Variants in QRFPR observed in about 807,000 individuals in gnomAD.
The protein encoded by QRFPR is pyroglutamylated RFamide peptide receptor.
Under a neutral mutation model 31.3 loss-of-function variants are expected in QRFPR, and 37 were observed. That is an observed-to-expected ratio of 1.18 (90% CI 0.91 to 1.56). QRFPR has a LOEUF of 1.56. QRFPR is among the 40% of genes most tolerant of loss of function. The pLI is 0.00. For synonymous variants in QRFPR, 197 were observed against 192.0 expected (o/e 1.03, Z -0.22); for missense variants, 542 against 532.5 (o/e 1.02, Z -0.18).
rs751386983 is a variant in QRFPR, at chr4:121,380,296, C to T, written c.340+12G>A. 15 of 1,592,798 alleles carry T rather than the reference C, an allele frequency of 9.4e-6. No individual in the cohort carries two copies. Among genetic ancestry groups the T allele is most frequent in the Admixed American group, 6.8e-5 (4 of 58,900 alleles). ...AGAGAGAAGGAGCGAAGGAGCGGGG[C>T]GCGACTCTTACCCCCCAGCCAGTTG... On this transcript the variant is annotated intron_variant, in intron 1 of 5. Coordinates refer to ENST00000394427, the MANE Select transcript of QRFPR (RefSeq NM_198179.3).
chr4:121,359,645 G>GTGTA (rs1553947434), intron 1 of QRFPR, among the ~76,000 whole-genome samples: 4 of 150,768 alleles, frequency 2.7e-5, no homozygotes, highest in Admixed American at 6.6e-5. Context: ...GTGTGTGTGT[G>GTGTA]TATATATATG....
At chr4:121,374,767 C>T (rs951770279) in intron 1 of QRFPR, among the ~76,000 whole-genome samples, 3 of 152,210 alleles carry the variant, frequency 2.0e-5, no homozygotes, top group South Asian at 2.1e-4. Flanking sequence ...TCTGTGTTTT[C>T]TTACCCTAAT....
intron 1 of QRFPR, among the ~76,000 whole-genome samples, chr4:121,365,277 C>G: frequency 6.9e-6 from 1 of 143,964 alleles, no homozygotes; most frequent in Non-Finnish European, 1.5e-5. Flanking sequence ...CACAGTGAAA[C>G]CTCGTCTCTG....
In QRFPR at chr4:121,380,758, A is replaced by G. The variant is rs1726478720; in HGVS notation, c.-111T>C. 1.9e-6 allele frequency: 2 copies of G among 1,046,506 alleles called. No individual in the cohort carries two copies. Among genetic ancestry groups the G allele is most frequent in the South Asian group, 1.7e-5 (1 of 59,334 alleles). 64.8% of individuals were successfully genotyped at this position (1,046,506 alleles called of 1,614,324 possible). On this transcript the variant is annotated 5_prime_UTR_variant, in exon 1 of 6. Coordinates refer to ENST00000394427, the MANE Select transcript of QRFPR (RefSeq NM_198179.3). ...AGCCGGAGGCCGCCTCCCTTCCTCT[A>G]CTCTGGAGTCAGCCGCGCGGGAGGG...
At chr4:121,366,441 A>G (rs1214452354) in intron 1 of QRFPR, among the ~76,000 whole-genome samples, 1 of 149,788 alleles carries the variant, frequency 6.7e-6, no homozygotes, top group Non-Finnish European at 1.5e-5. Flanking sequence ...GTGACATTCA[A>G]TCCTAGGTCT....
chr4:121,380,699 C>G lies in QRFPR; in HGVS notation c.-52G>C. ...CACCGCCCGCTACTGGCTGGCCATC[C>G]GCATCTGCGGGGCAGCGAGGGCTTC... On this transcript the variant is annotated 5_prime_UTR_variant, in exon 1 of 6. Transcript: ENST00000394427. The G allele has an allele frequency of 2.8e-6, 4 of 1,450,784 alleles. No individual in the cohort carries two copies. The highest frequency in any genetic ancestry group is 3.7e-6 in the Non-Finnish European group (4 of 1,091,974). 89.9% of individuals were successfully genotyped at this position (1,450,784 alleles called of 1,614,324 possible).
intron 1 of QRFPR, among the ~76,000 whole-genome samples, chr4:121,358,105 G>T (rs1276410930): frequency 6.6e-6 from 1 of 152,064 alleles, no homozygotes; most frequent in Non-Finnish European, 1.5e-5. Flanking sequence ...TTTGAATATA[G>T]TCAAAATACT....
At chr4:121,369,729 T>C in intron 1 of QRFPR, 1 of 1,601,494 alleles carries the variant, frequency 6.2e-7, no homozygotes, top group Non-Finnish European at 8.5e-7. Flanking sequence ...GAGTCCATGG[T>C]GCTAGGATTT....
chr4:121,379,625 C>T (rs1579596148), intron 1 of QRFPR, among the ~76,000 whole-genome samples: 2 of 152,062 alleles, frequency 1.3e-5, no homozygotes, highest in South Asian at 2.1e-4. Context: ...CATTTTTTTT[C>T]CCCCATTATA....
In QRFPR at chr4:121,329,701, C is replaced by A; in HGVS notation, c.909G>T (p.Lys303Asn). The change falls in exon 6 of 6, where the codon AAG becomes AAT. Residue 303 changes from lysine to asparagine, a missense_variant. Lys to Asn is a moderately conservative substitution (Grantham distance 94). Transcript: ENST00000394427. ...TCTTGATTGTGACATCATCATATTC[C>A]TTTTCAAAATTACCTGAAATAAAGT... ...HMMIEYSNFE[K>N]EYDDVTIKMI... is the part of the protein sequence containing the mutation. 3 of 1,529,942 alleles carry A rather than the reference C, an allele frequency of 2.0e-6. No individual in the cohort carries two copies. The highest frequency in any genetic ancestry group is 2.6e-5 in the South Asian group (2 of 77,406). The allele number at this position is 1,529,942 out of a possible 1,614,324, so 94.8% of individuals were successfully genotyped here. A position where few individuals can be genotyped will look rare whatever the true frequency, so the allele number is the denominator to read the frequency against.
At chr4:121,358,693 T>A (rs1725917049) in intron 1 of QRFPR, among the ~76,000 whole-genome samples, 1 of 152,194 alleles carries the variant, frequency 6.6e-6, no homozygotes, top group African/African-American at 2.4e-5. Flanking sequence ...CAGCATGAAA[T>A]TGCCTCTTTA....
At chr4:121,339,724 A>G (rs952776616) in intron 2 of QRFPR, among the ~76,000 whole-genome samples, 1 of 152,102 alleles carries the variant, frequency 6.6e-6, no homozygotes, top group African/African-American at 2.4e-5. Flanking sequence ...GGAGAGGCCA[A>G]GGGGGAATGG....
chr4:121,369,784 G>A, intron 1 of QRFPR: 1 of 1,571,086 alleles, frequency 6.4e-7, no homozygotes, highest in Non-Finnish European at 8.8e-7. Context: ...ACCAGCCCCT[G>A]GGTCTCTGCT....
chr4:121,369,530 G>A (rs1726192522), intron 1 of QRFPR: 1 of 1,564,294 alleles, frequency 6.4e-7, no homozygotes, highest in African/African-American at 1.4e-5. Flanking sequence ...GTCCATCTTG[G>A]GTGGCTTCAA....
chr4:121,365,574 A>T (rs71629500), intron 1 of QRFPR, among the ~76,000 whole-genome samples: 11,655 of 19,542 alleles, frequency 0.6, 2,966 homozygotes, highest in Non-Finnish European at 0.6. Flanking sequence ...ATTATATATA[A>T]TATATATTAT....
rs776761564 is a variant in QRFPR at position 121,380,520 on chromosome 4, C to A, written c.128G>T (p.Arg43Leu). Residue 43 changes from arginine (R) to leucine (L), a missense_variant, in exon 1 of 6, where the codon CGC (arginine) becomes CTC (leucine). By Grantham distance (102) the Arg-to-Leu change is moderately radical. Transcript: ENST00000394427. ...GGTGAGCACGAGGGCCAGCTTGGCGCGTCCCGGCAGCTCTGGGGTGTAGAC... is the reference window on the plus strand; with the variant it reads ...GGTGAGCACGAGGGCCAGCTTGGCGAGTCCCGGCAGCTCTGGGGTGTAGAC... ...PLVYTPELPG[R>L]AKLALVLTGV... is the part of the protein sequence containing the mutation. 6.2e-7 allele frequency: 1 copy of A among 1,613,748 alleles called. No homozygotes were observed. Among genetic ancestry groups the A allele is most frequent in the South Asian group, 1.1e-5 (1 of 91,028 alleles).
At chr4:121,337,164 T>G (rs1725451605) in intron 2 of QRFPR, among the ~76,000 whole-genome samples, 1 of 152,152 alleles carries the variant, frequency 6.6e-6, no homozygotes, top group Non-Finnish European at 1.5e-5. Context: ...TGCCTCTCTC[T>G]CCTCTTTCAT....
chr4:121,378,677 C>G (rs1318220147), intron 1 of QRFPR, among the ~76,000 whole-genome samples: 5 of 152,132 alleles, frequency 3.3e-5, no homozygotes. Context: ...CCCGCCTCGG[C>G]CTCCCAAAGT....
chr4:121,335,256 G>T (rs567205360), intron 3 of QRFPR, among the ~76,000 whole-genome samples: 1 of 151,834 alleles, frequency 6.6e-6, no homozygotes, highest in African/African-American at 2.4e-5. Context: ...ATTTAAAAAT[G>T]GATACATCTG....
Sources: allele counts gnomAD v4.1 joint callset (sites outside exome capture counted in the v4.1 genomes callset), GRCh38; gene constraint gnomAD v4.1.1; transcripts MANE v1.5; gene names NCBI Gene and HGNC (gene_info 2026-07-23, HGNC 2026-07-21).